ASCC1: variants seen among roughly 807,000 people sequenced by gnomAD.
ASCC1 encodes the protein ASC-1 complex subunit P50.
In ASCC1, 35 loss-of-function variants were observed where a neutral mutation model predicts 46.6. That is an observed-to-expected ratio of 0.75 (90% CI 0.57 to 0.99). ASCC1 has a LOEUF of 0.99. ASCC1 is among the 50% of genes least tolerant of loss of function. The pLI is 0.00. For missense variants in ASCC1, 376 were observed against 428.7 expected (o/e 0.88, Z 1.09); for synonymous variants, 143 against 146.6 (o/e 0.98, Z 0.18).
intron 7 of ASCC1, among the ~76,000 whole-genome samples, chr10:72,136,047 T>C (rs537004182): frequency 8.5e-5 from 13 of 152,174 alleles, no homozygotes; most frequent in African/African-American, 3.1e-4. Context: ...TTAAGAGACA[T>C]GATCTCACTC....
intron 4 of ASCC1, among the ~76,000 whole-genome samples, chr10:72,200,707 T>C (rs1282338066): frequency 2.0e-5 from 3 of 151,864 alleles, no homozygotes; most frequent in South Asian, 4.1e-4. Context: ...AATGCAATTA[T>C]AAAATGACCT....
intron 9 of ASCC1, among the ~76,000 whole-genome samples, chr10:72,101,077 T>C (rs1342508524): frequency 6.6e-6 from 1 of 152,222 alleles, no homozygotes; most frequent in Non-Finnish European, 1.5e-5. Context: ...CTTCAGTTCC[T>C]GATCTGGAAT....
chr10:72,137,796 A>C (rs1846439272), intron 7 of ASCC1, among the ~76,000 whole-genome samples: 1 of 152,102 alleles, frequency 6.6e-6, no homozygotes, highest in Non-Finnish European at 1.5e-5. Context: ...AATCAGAAAA[A>C]ATTTTCAGAT....
At chr10:72,153,372 T>C (rs1375072564) in intron 6 of ASCC1, among the ~76,000 whole-genome samples, 1 of 152,220 alleles carries the variant, frequency 6.6e-6, no homozygotes, top group Non-Finnish European at 1.5e-5. Context: ...ATTTCACTCA[T>C]ATAACAAAGG....
At chr10:72,172,725 T>C (rs1222309894) in intron 5 of ASCC1, among the ~76,000 whole-genome samples, 1 of 138,718 alleles carries the variant, frequency 7.2e-6, no homozygotes. Flanking sequence ...ATAATATTTT[T>C]ATATTATATA....
intron 5 of ASCC1, among the ~76,000 whole-genome samples, chr10:72,185,795 G>T (rs1264298959): frequency 6.6e-6 from 1 of 152,070 alleles, no homozygotes; most frequent in Non-Finnish European, 1.5e-5. Flanking sequence ...TAAAACAAGT[G>T]CATTATAATG....
At chr10:72,168,243 A>T (rs989193681) in intron 5 of ASCC1, among the ~76,000 whole-genome samples, 1 of 152,128 alleles carries the variant, frequency 6.6e-6, no homozygotes, top group African/African-American at 2.4e-5. Flanking sequence ...CAAAGAAAAA[A>T]CTCAAAATGC....
intron 5 of ASCC1, among the ~76,000 whole-genome samples, chr10:72,186,430 C>CAA (rs1853459700): frequency 6.6e-6 from 1 of 152,096 alleles, no homozygotes; most frequent in Non-Finnish European, 1.5e-5. Context: ...AGGAAACTCT[C>CAA]AGAGATGACA....
chr10:72,096,208 A>G lies in ASCC1; in HGVS notation c.*1126T>C, dbSNP rs1488040701. The G allele has an allele frequency of 4.4e-6, 2 of 454,122 alleles. No homozygotes were observed. The highest frequency in any genetic ancestry group is 3.1e-5 in the South Asian group (2 of 64,476). 28.1% of individuals were successfully genotyped at this position (454,122 alleles called of 1,614,324 possible). On this transcript the variant is annotated 3_prime_UTR_variant, in exon 10 of 10. Transcript: ENST00000672957. ...GAAGGAGAAGAAGGAGAGGACATGG[A>G]GGGAGGAAGAATGTGAGGAGGCAGG...
Position 72,096,772 on chromosome 10 carries a change from C to G in ASCC1, c.*562G>C, listed in dbSNP as rs776065423. 88 of 453,864 alleles carry G rather than the reference C, an allele frequency of 1.9e-4. No individual in the cohort carries two copies. The highest frequency in any genetic ancestry group is 1.4e-3 in the Middle Eastern group (2 of 1,466). 28.1% of individuals were successfully genotyped at this position (453,864 alleles called of 1,614,324 possible). A position where few individuals can be genotyped will look rare whatever the true frequency, so the allele number is the denominator to read the frequency against. ...TGTCACCTGACACAACATGGATGAA[C>G]CTTGAGGACATTATGCTAAGTGAAA... On this transcript the variant is annotated 3_prime_UTR_variant, in exon 10 of 10. Transcript: ENST00000672957.
At chr10:72,145,526 C>A (rs1016002084) in intron 7 of ASCC1, among the ~76,000 whole-genome samples, 4 of 150,260 alleles carry the variant, frequency 2.7e-5, no homozygotes, top group Admixed American at 1.3e-4. Flanking sequence ...CTTAGACAGG[C>A]TTTTAACATC....
chr10:72,124,588 C>T (rs1270747076), intron 9 of ASCC1, among the ~76,000 whole-genome samples: 1 of 152,202 alleles, frequency 6.6e-6, no homozygotes, highest in African/African-American at 2.4e-5. Context: ...TACCTCTCTC[C>T]CCAGAAGCTG....
intron 5 of ASCC1, among the ~76,000 whole-genome samples, chr10:72,184,127 G>C (rs973514987): frequency 2.0e-5 from 3 of 151,220 alleles, no homozygotes; most frequent in South Asian, 4.2e-4. Flanking sequence ...CTGGGTAACA[G>C]AGCCAGACTC....
At chr10:72,155,096 T>G (rs1397469626) in intron 6 of ASCC1, among the ~76,000 whole-genome samples, 1 of 152,102 alleles carries the variant, frequency 6.6e-6, no homozygotes, top group African/African-American at 2.4e-5. Flanking sequence ...ATAAAAAATA[T>G]GTTATATATA....
chr10:72,127,139 G>A (rs570127595), intron 9 of ASCC1, among the ~76,000 whole-genome samples: 1 of 152,332 alleles, frequency 6.6e-6, no homozygotes, highest in African/African-American at 2.4e-5. Context: ...AGCCTATTCT[G>A]ACGTTATCAT....
At position 72,205,396 on chromosome 10, in the gene ASCC1, G is replaced by A. The variant is rs538532846; in HGVS notation, c.213-1872C>T. On this transcript the variant is annotated intron_variant, in intron 3 of 9. Transcript: ENST00000672957. ...TGTAATCCCAGCACTTTGCGAGGCCGAGGTGGGGGGGATCACCTGAGGTGA... is the reference window on the plus strand; with the variant it reads ...TGTAATCCCAGCACTTTGCGAGGCCAAGGTGGGGGGGATCACCTGAGGTGA... Among the ~76,000 whole-genome samples, 135 of 152,138 alleles carry A rather than the reference G, an allele frequency of 8.9e-4. 3 individuals are homozygous for A. The highest frequency in any genetic ancestry group is 8.5e-4 in the Non-Finnish European group (58 of 67,992).
At chr10:72,157,849 T>G (rs1293575915) in intron 6 of ASCC1, among the ~76,000 whole-genome samples, 1 of 152,238 alleles carries the variant, frequency 6.6e-6, no homozygotes, top group Non-Finnish European at 1.5e-5. Flanking sequence ...CTTTTTGTAA[T>G]TTAGTTCAAG....
chr10:72,187,719 CAAAAAAAAAAAAAAA>C, intron 5 of ASCC1, among the ~76,000 whole-genome samples: 1 of 35,218 alleles, frequency 2.8e-5, no homozygotes, highest in East Asian at 8.1e-4. Flanking sequence ...GAATCCGTCT[CAAAAAAAAAAAAAAA>C]AAAAAAAACT....
chr10:72,127,351 G>A (rs572457340), intron 9 of ASCC1, among the ~76,000 whole-genome samples: 1 of 152,264 alleles, frequency 6.6e-6, no homozygotes, highest in East Asian at 1.9e-4. Context: ...GTTAGAGAAA[G>A]ACAAATGTAA....
Sources: gnomAD v4.1 joint callset for allele counts (sites outside exome capture counted in the v4.1 genomes callset) on GRCh38, gnomAD v4.1.1 for gene constraint, MANE v1.5 for transcripts, NCBI Gene and HGNC (gene_info 2026-07-23, HGNC 2026-07-21) for gene names.